Variants in PPP6R1 observed in about 807,000 individuals in gnomAD.
PPP6R1 encodes the protein serine/threonine-protein phosphatase 6 regulatory subunit 1.
In PPP6R1, 39 loss-of-function variants were observed where a neutral mutation model predicts 104.6. The ratio of observed to expected loss-of-function variants is 0.37; its 90% CI spans 0.29 to 0.49. The LOEUF is 0.49. Among genes scored for constraint, PPP6R1 ranks in the 20% least tolerant of loss-of-function variants. The probability of loss-of-function intolerance (pLI) is 0.98; values close to 1 mark genes in which losing one functional copy is unlikely to be tolerated. For missense variants in PPP6R1, 1,181 were observed against 1,155.8 expected (o/e 1.02, Z -0.32); for synonymous variants, 549 against 479.0 (o/e 1.15, Z -1.91).
rs1192502283 is a variant in PPP6R1 at position 55,231,455 on chromosome 19, T to C, written c.2414A>G (p.Gln805Arg). ...CQALVSIGDLQATFHGIRSAP... is the reference protein window; with the variant it reads ...CQALVSIGDLRATFHGIRSAP... ...AGAACGGATCCCGTGGAAGGTGGCC[T>C]GAAGGTCCCCGATGCTAACCAAGGC... Residue 805 changes from glutamine (Q) to arginine (R), a missense_variant, in exon 21 of 24, where the codon CAG becomes CGG. By Grantham distance (43) the Gln-to-Arg change is conservative. Transcript: ENST00000412770. 1 of 1,608,110 alleles carries C rather than the reference T, an allele frequency of 6.2e-7. No individual in the cohort carries two copies. Among genetic ancestry groups the C allele is most frequent in the Non-Finnish European group, 8.5e-7 (1 of 1,177,682 alleles).
In PPP6R1 at chr19:55,241,169, C is replaced by G; in HGVS notation, c.1161+70G>C. On this transcript the variant is annotated intron_variant, in intron 9 of 23. Transcript: ENST00000412770. The surrounding 1 kb of genome is among the most constrained non-coding windows in gnomAD (Gnocchi z 5.4). The stretch of plus-strand genomic sequence containing the variant: ...CCCCCAGCCGAGCCCCCACCCCAGC[C>G]CCCGAACCCTCAGCCCAGTCCAGTC... 1 of 1,493,892 alleles carries G rather than the reference C, an allele frequency of 6.7e-7. No individual in the cohort carries two copies. Among genetic ancestry groups the G allele is most frequent in the Non-Finnish European group, 8.9e-7 (1 of 1,121,456 alleles). 92.5% of individuals were successfully genotyped at this position (1,493,892 alleles called of 1,614,324 possible).
Position 55,242,270 on chromosome 19 carries a change from C to T in PPP6R1, c.741G>A (p.Thr247=), listed in dbSNP as rs202034641. Residue 247 remains threonine (T), a synonymous_variant, in exon 7 of 24, where the codon ACG becomes ACA. Coordinates refer to ENST00000412770, the MANE Select transcript of PPP6R1 (RefSeq NM_014931.4). The part of the protein sequence containing the change: ...QLLATLEKQE[T]IEQLLSNMFE... ...ACATGTTGCTTAAGAGCTGCTCAAT[C>T]GTCTCCTGCCTGCGGGGGCAGGGGC... 4.3e-6 allele frequency: 7 copies of T among 1,613,954 alleles called. No individual in the cohort carries two copies. The highest frequency in any genetic ancestry group is 4.5e-5 in the East Asian group (2 of 44,870).
In PPP6R1 at chr19:55,230,847, C is replaced by T. The variant is rs201301056; in HGVS notation, c.2497G>A (p.Gly833Arg). The change falls in exon 22 of 24, where the codon GGG becomes AGG. Residue 833 changes from glycine to arginine, a missense_variant. Gly to Arg is a moderately radical substitution (Grantham distance 125, BLOSUM62 -2). This residue lies in a region of PPP6R1 where 1,042 missense variants were observed against 955.6 expected (regional missense o/e 1.09). Coordinates refer to ENST00000412770, the MANE Select transcript of PPP6R1 (RefSeq NM_014931.4). Reference protein sequence around the residue: ...RDPSTSVPASGAHQPPQTTEG... With the variant: ...RDPSTSVPASRAHQPPQTTEG... ...GTGGTCTGGGGGGGCTGGTGGGCCCCGGAGGCTGGGACAGAGGTAGAGGGG... is the reference window on the plus strand; with the variant it reads ...GTGGTCTGGGGGGGCTGGTGGGCCCTGGAGGCTGGGACAGAGGTAGAGGGG... 168 of 1,607,276 alleles carry T rather than the reference C, an allele frequency of 1.0e-4. No individual in the cohort carries two copies. The highest frequency in any genetic ancestry group is 1.9e-4 in the Middle Eastern group (1 of 5,156).
chr19:55,233,919 G>T (rs550245110), intron 17 of PPP6R1, among the ~76,000 whole-genome samples: 2 of 152,128 alleles, frequency 1.3e-5, no homozygotes, highest in Non-Finnish European at 2.9e-5. Flanking sequence ...TTAAAAAGAA[G>T]AACAAGGTTG....
chr19:55,249,472 C>T (rs1171150324), intron 1 of PPP6R1, among the ~76,000 whole-genome samples: 2 of 152,246 alleles, frequency 1.3e-5, no homozygotes, highest in South Asian at 4.1e-4. Flanking sequence ...AACTCCTAAC[C>T]TCAGGTGATC....
rs745886585 is a variant in PPP6R1 at position 55,242,243 on chromosome 19, G to A, written c.768C>T (p.Phe256=). 53 of 1,613,772 alleles carry A rather than the reference G, an allele frequency of 3.3e-5. No individual in the cohort carries two copies. Among genetic ancestry groups the A allele is most frequent in the Admixed American group, 1.3e-4 (8 of 60,004 alleles). Residue 256 remains phenylalanine (F), a synonymous_variant, in exon 7 of 24, where the codon TTC becomes TTT. Coordinates refer to ENST00000412770, the MANE Select transcript of PPP6R1 (RefSeq NM_014931.4). ...ETIEQLLSNM[F]EGEQSQSVIV... ...TGACAGACTGGCTCTGCTCCCCCTC[G>A]AACATGTTGCTTAAGAGCTGCTCAA...
downstream of PPP6R1, chr19:55,228,349 C>T: frequency 6.2e-7 from 1 of 1,613,792 alleles, no homozygotes; most frequent in Non-Finnish European, 8.5e-7. Flanking sequence ...GGCAGCGAAC[C>T]AGGACAGCTG....
intron 17 of PPP6R1, among the ~76,000 whole-genome samples, chr19:55,235,350 C>T (rs143681254): frequency 6.6e-6 from 1 of 151,850 alleles, no homozygotes; most frequent in Non-Finnish European, 1.5e-5. Context: ...TCTAGGAAAA[C>T]GTGTGAGAGC....
chr19:55,238,267 C>T (rs1291840181), intron 15 of PPP6R1, among the ~76,000 whole-genome samples: 1 of 152,232 alleles, frequency 6.6e-6, no homozygotes, highest in African/African-American at 2.4e-5. Flanking sequence ...GACCAACGCT[C>T]TGCAAGTCTC....
chr19:55,258,055 T>G, intron 1 of PPP6R1, among the ~76,000 whole-genome samples: 2 of 151,496 alleles, frequency 1.3e-5, no homozygotes, highest in African/African-American at 2.4e-5. Context: ...GAGGGAAGGG[T>G]GTAAGCAGGC....
intron 1 of PPP6R1, among the ~76,000 whole-genome samples, chr19:55,253,926 G>A (rs889004053): frequency 6.6e-6 from 1 of 152,168 alleles, no homozygotes; most frequent in Non-Finnish European, 1.5e-5. Flanking sequence ...AGCCCACCAG[G>A]GCGGGCTGCT....
intron 1 of PPP6R1, among the ~76,000 whole-genome samples, chr19:55,250,462 C>G (rs1362028865): frequency 6.6e-6 from 1 of 152,206 alleles, no homozygotes; most frequent in Non-Finnish European, 1.5e-5. Flanking sequence ...CCAGCACTTG[C>G]TCTGCCTGAG....
intron 18 of PPP6R1, 24 bp downstream of exon 18, chr19:55,232,051 T>C: frequency 6.2e-7 from 1 of 1,612,066 alleles, no homozygotes; most frequent in Non-Finnish European, 8.5e-7. Context: ...TGTGTACACC[T>C]GACCACACCG....
chr19:55,239,264 G>C (rs1420368600), intron 15 of PPP6R1, 141 bp downstream of exon 15: 1 of 789,288 alleles, frequency 1.3e-6, no homozygotes, highest in Admixed American at 2.2e-5. Flanking sequence ...CAAGGCCACG[G>C]CCAACGCGTG....
chr19:55,235,350 C>A (rs143681254), intron 17 of PPP6R1, among the ~76,000 whole-genome samples: 79 of 151,966 alleles, frequency 5.2e-4, no homozygotes, highest in African/African-American at 1.8e-3. Flanking sequence ...TCTAGGAAAA[C>A]GTGTGAGAGC....
At chr19:55,235,931 C>A (rs1376760781) in intron 17 of PPP6R1, among the ~76,000 whole-genome samples, 3 of 151,000 alleles carry the variant, frequency 2.0e-5, no homozygotes, top group Admixed American at 2.0e-4. Flanking sequence ...CTCCGCCCCC[C>A]AGGGTAAAGC....
intron 17 of PPP6R1, among the ~76,000 whole-genome samples, chr19:55,234,606 T>C (rs371756849): frequency 6.6e-6 from 1 of 152,232 alleles, no homozygotes. Context: ...AGTGACACAC[T>C]TGTGCACCAA....
In PPP6R1 at chr19:55,240,420, G is replaced by C. The variant is rs1568946344; in HGVS notation, c.1297-120C>G. 21 of 1,004,738 alleles carry C rather than the reference G, an allele frequency of 2.1e-5. No individual in the cohort carries two copies. The East Asian group carries it at 5.5e-4, about 26-fold the overall frequency. 62.2% of individuals were successfully genotyped at this position (1,004,738 alleles called of 1,614,324 possible). A position where few individuals can be genotyped will look rare whatever the true frequency, so the allele number is the denominator to read the frequency against. On this transcript the variant is annotated intron_variant, in intron 10 of 23. Coordinates refer to ENST00000412770, the MANE Select transcript of PPP6R1 (RefSeq NM_014931.4). The stretch of plus-strand genomic sequence containing the variant: ...TTCACCAGGCCCCCGCTCATCCAGA[G>C]ACGGGGATGGGAAGGAGGGATGCAA...
In PPP6R1 at chr19:55,236,801, C is replaced by A; in HGVS notation, c.1830G>T (p.Glu610Asp). The A allele has an allele frequency of 4.3e-6, 7 of 1,613,898 alleles. No homozygotes were observed. Among genetic ancestry groups the A allele is most frequent in the Non-Finnish European group, 5.1e-6 (6 of 1,179,826 alleles). The change falls in exon 17 of 24, where the codon GAG (glutamate) becomes GAT (aspartate). Residue 610 changes from glutamate (E) to aspartate (D), a missense_variant. By Grantham distance (45) the Glu-to-Asp change is conservative. Transcript: ENST00000412770. ...DDENPNANLL[E>D]ICYKDRIQQF... ...GCTGGATGCGGTCCTTGTAGCATAT[C>A]TCAAGTAGGTTGGCGTTGGGCTGCA...
Sources: allele counts gnomAD v4.1 joint callset (sites outside exome capture counted in the v4.1 genomes callset), GRCh38; gene constraint gnomAD v4.1.1; regional missense constraint gnomAD v4.1.1; non-coding constraint Gnocchi (gnomAD v3.1); transcripts MANE v1.5; gene names NCBI Gene and HGNC (gene_info 2026-07-23, HGNC 2026-07-21).